ARHGAP32: variants seen among roughly 807,000 people sequenced by gnomAD.
ARHGAP32 encodes rho GTPase-activating protein 32.
ARHGAP32 carries 51 observed loss-of-function variants against 186.5 expected under a neutral mutation model. That is an observed-to-expected ratio of 0.27 (90% CI 0.22 to 0.35). The LOEUF is 0.35. Ranked by LOEUF, ARHGAP32 falls within the 10% of genes least tolerant of loss-of-function variation. The pLI is 1.00. For missense variants in ARHGAP32, 2,186 were observed against 2,623.5 expected, an observed-to-expected ratio of 0.83 and a Z score of 3.64; for synonymous variants, 950 against 964.3, an observed-to-expected ratio of 0.99 and a Z score of 0.27.
intron 10 of ARHGAP32, among the ~76,000 whole-genome samples, chr11:129,051,562 C>T (rs537762307): frequency 6.6e-5 from 10 of 152,192 alleles, no homozygotes; most frequent in African/African-American, 2.2e-4. Context: ...ATGAATTGTT[C>T]TTCTGACGTC....
chr11:128,970,529 G>T lies in ARHGAP32; in HGVS notation c.4684C>A (p.His1562Asn). Residue 1562 changes from histidine to asparagine, a missense_variant, in exon 23 of 23, where the codon CAC becomes AAC. By Grantham distance (68) the His-to-Asn change is moderately conservative. Around this residue, in one of 5 missense-constraint regions of ARHGAP32, gnomAD observed 1,502 missense variants for 1,570.0 expected, o/e 0.96. Coordinates refer to ENST00000682385, the MANE Select transcript of ARHGAP32 (RefSeq NM_001378024.1). This position sits in a 1 kb window ranked among gnomAD's most constrained non-coding sequence, Gnocchi z 5.8. ...VAPGRNASGH[H>N]SKPCSRVEYV... is the part of the protein sequence containing the mutation. ...TCGACCCGGCTGCATGGCTTGGAGT[G>T]GTGTCCAGATGCGTTTCTTCCTGGG... 2 of 1,614,154 alleles carry T rather than the reference G, an allele frequency of 1.2e-6. No homozygotes were observed. The highest frequency in any genetic ancestry group is 2.7e-5 in the African/African-American group (2 of 75,022).
At chr11:129,137,148 A>C (rs1053404048) in intron 2 of ARHGAP32, among the ~76,000 whole-genome samples, 7 of 151,950 alleles carry the variant, frequency 4.6e-5, no homozygotes, top group African/African-American at 1.7e-4. Context: ...AACTGAAAAA[A>C]AAAAGCATGG....
intron 2 of ARHGAP32, among the ~76,000 whole-genome samples, chr11:129,143,089 A>ATATATAT (rs66832335): frequency 6.9e-6 from 1 of 145,676 alleles, no homozygotes; most frequent in Non-Finnish European, 1.5e-5. Context: ...ATATATATAT[A>ATATATAT]ATCAACTGAA....
chr11:129,198,844 GAAGAAAGA>G (rs947972979), intron 1 of ARHGAP32, among the ~76,000 whole-genome samples: 2 of 152,198 alleles, frequency 1.3e-5, no homozygotes, highest in African/African-American at 4.8e-5. Flanking sequence ...GGACTCAGAA[GAAGAAAGA>G]AAAATGTGGG....
intron 5 of ARHGAP32, among the ~76,000 whole-genome samples, chr11:129,095,500 G>C (rs1941705165): frequency 6.6e-6 from 1 of 152,086 alleles, no homozygotes; most frequent in Non-Finnish European, 1.5e-5. Flanking sequence ...CTGCAGGAGA[G>C]GAAGAGAACT....
At chr11:128,996,266 A>T (rs1319755458) in intron 12 of ARHGAP32, among the ~76,000 whole-genome samples, 1 of 151,178 alleles carries the variant, frequency 6.6e-6, no homozygotes, top group Non-Finnish European at 1.5e-5. Context: ...GTTTGTATCT[A>T]TTCTCCATTC....
At chr11:129,126,853 G>C (rs910001646) in intron 2 of ARHGAP32, among the ~76,000 whole-genome samples, 1 of 152,064 alleles carries the variant, frequency 6.6e-6, no homozygotes, top group Non-Finnish European at 1.5e-5. Context: ...TTAAAAAAAA[G>C]TGAAAGTGTG....
chr11:129,198,079 T>G (rs1476898429), intron 1 of ARHGAP32, among the ~76,000 whole-genome samples: 1 of 152,174 alleles, frequency 6.6e-6, no homozygotes, highest in African/African-American at 2.4e-5. Context: ...AACTGACAAT[T>G]TCATGTTAGA....
At chr11:129,102,062 A>T (rs1941915448) in intron 5 of ARHGAP32, among the ~76,000 whole-genome samples, 1 of 152,212 alleles carries the variant, frequency 6.6e-6, no homozygotes, top group South Asian at 2.1e-4. Context: ...CAACACTCTT[A>T]AAAAAATTCC....
intron 12 of ARHGAP32, among the ~76,000 whole-genome samples, chr11:128,997,954 G>C (rs1946246949): frequency 6.6e-6 from 1 of 151,868 alleles, no homozygotes; most frequent in Non-Finnish European, 1.5e-5. Context: ...AACTCTGACA[G>C]TTTTTTTTCC....
chr11:129,072,345 A>G (rs888032404), intron 6 of ARHGAP32, among the ~76,000 whole-genome samples: 3 of 152,198 alleles, frequency 2.0e-5, no homozygotes, highest in African/African-American at 7.2e-5. Flanking sequence ...CAGGCCATAC[A>G]AAAATACATT....
intron 1 of ARHGAP32, among the ~76,000 whole-genome samples, chr11:129,246,880 T>G (rs1422635981): frequency 6.6e-6 from 1 of 152,214 alleles, no homozygotes; most frequent in Non-Finnish European, 1.5e-5. Context: ...ACCATGCTGT[T>G]AAAATAGGTC....
intron 6 of ARHGAP32, among the ~76,000 whole-genome samples, chr11:129,085,668 A>G (rs924818318): frequency 6.6e-6 from 1 of 152,120 alleles, no homozygotes; most frequent in Non-Finnish European, 1.5e-5. Context: ...AAAGAAAAAC[A>G]AAGTTGGAAG....
intron 11 of ARHGAP32, among the ~76,000 whole-genome samples, chr11:129,032,768 T>C (rs1218826147): frequency 6.6e-6 from 1 of 152,128 alleles, no homozygotes; most frequent in Admixed American, 6.5e-5. Context: ...AATTCAAAAA[T>C]AGAAAGAGAC....
chr11:129,172,147 G>C (rs1943777818), intron 1 of ARHGAP32, among the ~76,000 whole-genome samples: 1 of 152,106 alleles, frequency 6.6e-6, no homozygotes, highest in Non-Finnish European at 1.5e-5. Context: ...CTTCCTACCT[G>C]AATAACCTTT....
chr11:129,081,228 TAGAG>T (rs1235628602), intron 6 of ARHGAP32, among the ~76,000 whole-genome samples: 1 of 151,944 alleles, frequency 6.6e-6, no homozygotes, highest in Admixed American at 6.6e-5. Context: ...TTCCAAAAGA[TAGAG>T]AAAGAGGGAA....
intron 5 of ARHGAP32, among the ~76,000 whole-genome samples, chr11:129,103,624 A>G (rs1941966447): frequency 6.6e-6 from 1 of 152,120 alleles, no homozygotes; most frequent in South Asian, 2.1e-4. Context: ...GGAAAGATAA[A>G]GAAAAAACTT....
intron 2 of ARHGAP32, among the ~76,000 whole-genome samples, chr11:129,135,096 T>C (rs1459570417): frequency 6.6e-6 from 1 of 152,188 alleles, no homozygotes; most frequent in Non-Finnish European, 1.5e-5. Context: ...CTCATTTGCA[T>C]AGATTAGAAG....
chr11:129,174,938 T>C (rs1456472542), intron 1 of ARHGAP32, among the ~76,000 whole-genome samples: 7 of 144,950 alleles, frequency 4.8e-5, no homozygotes, highest in South Asian at 2.2e-4. Context: ...CAAAGCTGGA[T>C]GGAGAATGAC....
Sources: allele counts gnomAD v4.1 joint callset (sites outside exome capture counted in the v4.1 genomes callset), GRCh38; gene constraint gnomAD v4.1.1; regional missense constraint gnomAD v4.1.1; non-coding constraint Gnocchi (gnomAD v3.1); transcripts MANE v1.5; gene names NCBI Gene and HGNC (gene_info 2026-07-23, HGNC 2026-07-21).